Variants in GNG4 observed in about 807,000 individuals in gnomAD.
The protein encoded by GNG4 is guanine nucleotide-binding protein G(I)/G(S)/G(O) subunit gamma-4.
A neutral mutation model predicts 5.8 loss-of-function variants in GNG4; 4 were observed. The observed-to-expected ratio is 0.69, with a 90% confidence interval of 0.34 to 1.57. GNG4 has a LOEUF of 1.57. Ranked by LOEUF, GNG4 falls within the 40% of genes most tolerant of loss-of-function variation. The pLI, the probability that GNG4 is intolerant of heterozygous loss-of-function variation, is 0.06. For missense variants in GNG4, 96 were observed against 95.1 expected, an observed-to-expected ratio of 1.01 and a Z score of -0.04; for synonymous variants, 29 against 32.9, an observed-to-expected ratio of 0.88 and a Z score of 0.41.
chr1:235,575,717 G>T (rs1445721858), intron 3 of GNG4, among the ~76,000 whole-genome samples: 2 of 152,170 alleles, frequency 1.3e-5, no homozygotes, highest in African/African-American at 4.8e-5. Context: ...CTTGCTCAAG[G>T]GTGTCTGTCC....
In GNG4 at chr1:235,643,573, G is replaced by A. The variant is rs541094583; in HGVS notation, c.-123+6089C>T. Reference sequence around the variant, plus strand: ...ATTGCAGGTGCTTATCACACATGCAGTCAATGAACACCTCACAAATGCAAG... The same window carrying A: ...ATTGCAGGTGCTTATCACACATGCAATCAATGAACACCTCACAAATGCAAG... On this transcript the variant is annotated intron_variant, in intron 1 of 3. Coordinates refer to ENST00000391854, the MANE Select transcript of GNG4 (RefSeq NM_001098722.2). Among the ~76,000 whole-genome samples, 60 of 152,180 alleles carry A rather than the reference G, an allele frequency of 3.9e-4. 1 individual carries two copies. Among genetic ancestry groups the A allele is most frequent in the Non-Finnish European group, 5.9e-4 (40 of 68,044 alleles).
At chr1:235,625,224 C>A (rs1285965457) in intron 1 of GNG4, among the ~76,000 whole-genome samples, 1 of 152,172 alleles carries the variant, frequency 6.6e-6, no homozygotes, top group Non-Finnish European at 1.5e-5. Flanking sequence ...CTTTTCTTCC[C>A]CATTTTCCTA....
intron 1 of GNG4, among the ~76,000 whole-genome samples, chr1:235,616,926 TC>T (rs201667404): frequency 2.9e-5 from 4 of 136,630 alleles, no homozygotes; most frequent in African/African-American, 3.4e-5. Flanking sequence ...TTTTTTTTTT[TC>T]AGTAGAGATG....
chr1:235,566,494 C>CT (rs1041463605), intron 3 of GNG4, among the ~76,000 whole-genome samples: 3 of 152,204 alleles, frequency 2.0e-5, no homozygotes, highest in Non-Finnish European at 2.9e-5. Flanking sequence ...AAGCTTAGGG[C>CT]TTCCACTGAT....
At chr1:235,572,495 CTTTTTTTTTTTTCT>C (rs1283732115) in intron 3 of GNG4, among the ~76,000 whole-genome samples, 2 of 112,730 alleles carry the variant, frequency 1.8e-5, no homozygotes, top group African/African-American at 3.5e-5. Context: ...CCACCGTGCT[CTTTTTTTTTTTTCT>C]TTTTTTTTTT....
chr1:235,585,876 TTAAG>T (rs1419870748), intron 2 of GNG4, among the ~76,000 whole-genome samples: 2 of 152,356 alleles, frequency 1.3e-5, no homozygotes, highest in South Asian at 2.1e-4. Context: ...AGTACTATTC[TTAAG>T]TAATAAATTA....
chr1:235,626,019 A>G (rs1475679638), intron 1 of GNG4, among the ~76,000 whole-genome samples: 2 of 152,236 alleles, frequency 1.3e-5, no homozygotes, highest in African/African-American at 4.8e-5. Flanking sequence ...ACTGTCTTCC[A>G]AAGTGGCTGT....
At chr1:235,571,654 G>A (rs954482066) in intron 3 of GNG4, among the ~76,000 whole-genome samples, 8 of 152,094 alleles carry the variant, frequency 5.3e-5, no homozygotes, top group African/African-American at 9.7e-5. Context: ...GTCATGTGTC[G>A]CTTAATGACG....
intron 2 of GNG4, among the ~76,000 whole-genome samples, chr1:235,586,534 G>A (rs1687763665): frequency 6.6e-6 from 1 of 152,200 alleles, no homozygotes; most frequent in Non-Finnish European, 1.5e-5. Context: ...ATCTCATGAC[G>A]AAATGCGATT....
At position 235,587,052 on chromosome 1, in the gene GNG4, G is replaced by A. The variant is rs990632983; in HGVS notation, c.-10-3204C>T. Among the ~76,000 whole-genome samples, 13 of 152,000 alleles carry A rather than the reference G, an allele frequency of 8.6e-5. No homozygotes were observed. The South Asian group carries it at 2.7e-3, about 32-fold the overall frequency. On this transcript the variant is annotated intron_variant, in intron 2 of 3. Coordinates refer to ENST00000391854, the MANE Select transcript of GNG4 (RefSeq NM_001098722.2). ...GAGGTAGAGTTTGGGATCAGCAGGG[G>A]TGAAGCCAAGAGGACATGGAGCAGG...
At chr1:235,634,499 G>A (rs1349765772) in intron 1 of GNG4, among the ~76,000 whole-genome samples, 1 of 152,186 alleles carries the variant, frequency 6.6e-6, no homozygotes, top group Non-Finnish European at 1.5e-5. Context: ...TCTGGGTGCA[G>A]GAAGATCGTG....
At chr1:235,598,528 G>A (rs1048648140) in intron 1 of GNG4, among the ~76,000 whole-genome samples, 28 of 152,136 alleles carry the variant, frequency 1.8e-4, no homozygotes, top group African/African-American at 5.8e-4. Context: ...AGGATCGCCT[G>A]AGCCTGGAAT....
At chr1:235,579,096 CAAA>C (rs779380298) in intron 3 of GNG4, among the ~76,000 whole-genome samples, 2 of 71,414 alleles carry the variant, frequency 2.8e-5, no homozygotes, top group Non-Finnish European at 3.0e-5. Flanking sequence ...GACTCCATCT[CAAA>C]AAAAAAAAAA....
At chr1:235,556,641 C>T (rs534422145) in intron 3 of GNG4, among the ~76,000 whole-genome samples, 27 of 150,164 alleles carry the variant, frequency 1.8e-4, no homozygotes, top group Middle Eastern at 3.5e-3. Context: ...GTTTTCGGCA[C>T]GAGGGAGTGG....
intron 1 of GNG4, among the ~76,000 whole-genome samples, chr1:235,626,223 G>A (rs758545003): frequency 1.3e-5 from 2 of 152,076 alleles, no homozygotes; most frequent in Non-Finnish European, 2.9e-5. Context: ...TGTATCTTTG[G>A]TAAGATGCCT....
chr1:235,592,906 C>T (rs1265855065), intron 2 of GNG4, among the ~76,000 whole-genome samples: 4 of 151,698 alleles, frequency 2.6e-5, no homozygotes, highest in Admixed American at 2.6e-4. Context: ...GATATCTGGT[C>T]TTACCACGCT....
intron 3 of GNG4, among the ~76,000 whole-genome samples, chr1:235,579,853 A>AT (rs1687581811): frequency 7.8e-6 from 1 of 127,902 alleles, no homozygotes; most frequent in Non-Finnish European, 1.6e-5. Flanking sequence ...TCCATCTCTC[A>AT]AAAAAAAAAA....
In GNG4 at chr1:235,648,390, A is replaced by T. The variant is rs1657567147; in HGVS notation, c.-123+1272T>A. On this transcript the variant is annotated intron_variant, in intron 1 of 3. Transcript: ENST00000391854. This position sits in a 1 kb window ranked among gnomAD's most constrained non-coding sequence, Gnocchi z 5.0. Reference sequence around the variant, plus strand: ...CTACATTTCAAAAACAATCCAGTTTATAGGTCCTCTGTCTGTTTCTCCGGG... The same window carrying T: ...CTACATTTCAAAAACAATCCAGTTTTTAGGTCCTCTGTCTGTTTCTCCGGG... Among the ~76,000 whole-genome samples, 1 of 152,252 alleles carries T rather than the reference A, an allele frequency of 6.6e-6. No homozygotes were observed. Among genetic ancestry groups the T allele is most frequent in the East Asian group, 1.9e-4 (1 of 5,204 alleles).
intron 3 of GNG4, among the ~76,000 whole-genome samples, chr1:235,560,554 T>A (rs1381259628): frequency 2.0e-5 from 3 of 152,214 alleles, no homozygotes; most frequent in Non-Finnish European, 2.9e-5. Context: ...ACAAGCCAAC[T>A]GAAACATAAG....
Sources: gnomAD v4.1 joint callset for allele counts (sites outside exome capture counted in the v4.1 genomes callset) on GRCh38, gnomAD v4.1.1 for gene constraint, Gnocchi (gnomAD v3.1) non-coding constraint, MANE v1.5 for transcripts, NCBI Gene and HGNC (gene_info 2026-07-23, HGNC 2026-07-21) for gene names.